The following ANKRD34B variants were observed in gnomAD, a reference collection of about 807,000 sequenced individuals.
The protein encoded by ANKRD34B is ankyrin repeat domain 34B, also known as ankyrin repeat domain-containing protein 34B.
In ANKRD34B, 2 loss-of-function variants were observed where a neutral mutation model predicts 4.4. The ratio of observed to expected loss-of-function variants is 0.46; its 90% CI spans 0.19 to 1.44. The LOEUF is 1.44. ANKRD34B is among the 40% of genes most tolerant of loss of function. ANKRD34B has a pLI of 0.26. For synonymous variants in ANKRD34B, 226 were observed against 227.1 expected, an observed-to-expected ratio of 0.99 and a Z score of 0.05; for missense variants, 558 against 604.7, an observed-to-expected ratio of 0.92 and a Z score of 0.81.
rs756381871 is a variant in ANKRD34B, at chr5:80,559,906, C to T, written c.114G>A (p.Glu38=). ...AAGGGGTTTCCCCACGGTCGTTGCT[C>T]TCATTAATGTAGGCACCGCCTTCTA... ...LLLEGGAYIN[E]SNDRGETPLM... The change falls in exon 5 of 5, where the codon GAG becomes GAA. Residue 38 remains glutamate, a synonymous_variant. Coordinates refer to ENST00000338682, the MANE Select transcript of ANKRD34B (RefSeq NM_001004441.3). 24 of 1,614,088 alleles carry T rather than the reference C, an allele frequency of 1.5e-5. No homozygotes were observed. The South Asian group carries it at 2.1e-4, about 14-fold the overall frequency.
rs745736258 is a variant in ANKRD34B, at chr5:80,568,889, AAC to A, written c.-191+69_-191+70del. The A allele has an allele frequency of 1.9e-3, 87 of 46,002 alleles. 1 individual carries two copies. The East Asian group carries it at 0.02, about 11-fold the overall frequency. The allele number at this position is 46,002 out of a possible 1,614,324, so 2.8% of individuals were successfully genotyped here. On this transcript the variant is annotated intron_variant, in intron 2 of 4. Coordinates refer to ENST00000338682, the MANE Select transcript of ANKRD34B (RefSeq NM_001004441.3). ...CTGTTACTGATTCACCTCCCCCCAA[AAC>A]ACACACACACACACACACACACACA...
In ANKRD34B at chr5:80,557,074, T is replaced by G. The variant is rs1006853613; in HGVS notation, c.*1401A>C. The G allele has an allele frequency of 5.2e-5, 8 of 152,586 alleles. No homozygotes were observed. Among genetic ancestry groups the G allele is most frequent in the Admixed American group, 4.6e-4 (7 of 15,278 alleles). The allele number at this position is 152,586 out of a possible 1,614,324, so 9.5% of individuals were successfully genotyped here. A position where few individuals can be genotyped will look rare whatever the true frequency, so the allele number is the denominator to read the frequency against. On this transcript the variant is annotated 3_prime_UTR_variant, in exon 5 of 5. Transcript: ENST00000338682. ...TATCAAATTACCAAGAAAAGCATCA[T>G]GCCAATTGTTAGGATCACCTCTACT... is the stretch of plus-strand genomic sequence containing the variant.
chr5:80,564,924 C>T (rs1169865810), intron 3 of ANKRD34B, among the ~76,000 whole-genome samples: 6 of 152,066 alleles, frequency 3.9e-5, no homozygotes, highest in East Asian at 1.9e-4. Flanking sequence ...AGGCTGATCC[C>T]GAATTCCCAA....
intron 2 of ANKRD34B, among the ~76,000 whole-genome samples, chr5:80,567,621 CAA>C (rs111603222): frequency 0.44 from 22,604 of 50,854 alleles, 4,293 homozygotes; most frequent in Middle Eastern, 0.55. Context: ...GACTCCGTCT[CAA>C]AAAAAAAAAA....
chr5:80,557,203 G>A lies in ANKRD34B; in HGVS notation c.*1272C>T, dbSNP rs1746260236. ...TGTTAAGCTGCTAGACTGAAATAAG[G>A]ATTCTTTGTATAAACATCATACTTT... On this transcript the variant is annotated 3_prime_UTR_variant, in exon 5 of 5. Coordinates refer to ENST00000338682, the MANE Select transcript of ANKRD34B (RefSeq NM_001004441.3). The A allele has an allele frequency of 6.6e-6, 1 of 152,214 alleles. No homozygotes were observed. The allele number at this position is 152,214 out of a possible 1,614,324, so 9.4% of individuals were successfully genotyped here. A position where few individuals can be genotyped will look rare whatever the true frequency, so the allele number is the denominator to read the frequency against.
At chr5:80,561,280 G>A (rs1412261824) in intron 4 of ANKRD34B, among the ~76,000 whole-genome samples, 13 of 151,980 alleles carry the variant, frequency 8.6e-5, no homozygotes, top group Admixed American at 8.5e-4. Flanking sequence ...AGTTGGGAGG[G>A]GGAGAATCAG....
At chr5:80,569,147 C>T (rs1746677259) in intron 1 of ANKRD34B, 40 bp from the exon 2 acceptor site, 1 of 152,426 alleles carries the variant, frequency 6.6e-6, no homozygotes, top group Admixed American at 6.5e-5. Flanking sequence ...GGGGCGACAG[C>T]TCCAGGGCAC....
chr5:80,562,494 AAGT>A (rs962420482), intron 4 of ANKRD34B, among the ~76,000 whole-genome samples: 1 of 152,154 alleles, frequency 6.6e-6, no homozygotes, highest in Non-Finnish European at 1.5e-5. Context: ...ACAGGGGAAT[AAGT>A]GATTGCTTAC....
intron 4 of ANKRD34B, among the ~76,000 whole-genome samples, chr5:80,561,680 A>C (rs1746409727): frequency 6.6e-6 from 1 of 152,162 alleles, no homozygotes; most frequent in Non-Finnish European, 1.5e-5. Context: ...CTGGGGACCA[A>C]AAGGGGCTTC....
chr5:80,568,741 T>A (rs772427063), intron 2 of ANKRD34B, among the ~76,000 whole-genome samples: 3 of 152,074 alleles, frequency 2.0e-5, no homozygotes, highest in Non-Finnish European at 4.4e-5. Context: ...TTAGAAACTG[T>A]CCAAGGAGAC....
At chr5:80,566,563 G>T (rs1240730555) in intron 3 of ANKRD34B, 126 bp downstream of exon 3, 1 of 152,618 alleles carries the variant, frequency 6.6e-6, no homozygotes, top group Non-Finnish European at 1.5e-5. Flanking sequence ...GGAAAAGGAA[G>T]TAAGACACAT....
In ANKRD34B at chr5:80,560,044, T is replaced by C; in HGVS notation, c.-23-2A>G. 6.6e-7 allele frequency: 1 copy of C among 1,510,462 alleles called. No individual in the cohort carries two copies. 93.6% of individuals were successfully genotyped at this position (1,510,462 alleles called of 1,614,324 possible). On this transcript the variant is annotated splice_acceptor_variant, in intron 4 of 4. Transcript: ENST00000338682. LOFTEE classifies it low-confidence loss of function (5UTR_SPLICE). ...TCTTCGGAGGTTAGAACTCAATACCTGGTTATCAAAGATGGCAAAGACCAA... is the reference window on the plus strand; with the variant it reads ...TCTTCGGAGGTTAGAACTCAATACCCGGTTATCAAAGATGGCAAAGACCAA...
intron 4 of ANKRD34B, among the ~76,000 whole-genome samples, chr5:80,561,040 G>C (rs1307328225): frequency 6.6e-6 from 1 of 152,164 alleles, no homozygotes; most frequent in Non-Finnish European, 1.5e-5. Flanking sequence ...GTTAAATTTT[G>C]ACAACAGTAT....
Position 80,560,039 on chromosome 5 carries a change from A to C in ANKRD34B, c.-20T>G. On this transcript the variant is annotated 5_prime_UTR_variant, in exon 5 of 5. Coordinates refer to ENST00000338682, the MANE Select transcript of ANKRD34B (RefSeq NM_001004441.3). ...ATCCATCTTCGGAGGTTAGAACTCA[A>C]TACCTGGTTATCAAAGATGGCAAAG... The C allele has an allele frequency of 6.6e-7, 1 of 1,519,008 alleles. No homozygotes were observed. The highest frequency in any genetic ancestry group is 8.9e-7 in the Non-Finnish European group (1 of 1,129,032). The allele number at this position is 1,519,008 out of a possible 1,614,324, so 94.1% of individuals were successfully genotyped here. A position where few individuals can be genotyped will look rare whatever the true frequency, so the allele number is the denominator to read the frequency against.
At chr5:80,566,957 C>T (rs574742139) in intron 2 of ANKRD34B, among the ~76,000 whole-genome samples, 183 bp from the exon 3 acceptor site, 9 of 152,256 alleles carry the variant, frequency 5.9e-5, no homozygotes, top group Middle Eastern at 3.4e-3. Flanking sequence ...ACAGCAACCC[C>T]GTGTGTGTCT....
chr5:80,565,046 T>C (rs1746524987), intron 3 of ANKRD34B, among the ~76,000 whole-genome samples: 1 of 152,234 alleles, frequency 6.6e-6, no homozygotes, highest in Non-Finnish European at 1.5e-5. Flanking sequence ...ACTTTTGAAA[T>C]TGCCTAGACA....
intron 4 of ANKRD34B, among the ~76,000 whole-genome samples, chr5:80,562,797 T>G (rs1660142773): frequency 6.6e-6 from 1 of 152,206 alleles, no homozygotes; most frequent in African/African-American, 2.4e-5. Flanking sequence ...CTTTCTGTAA[T>G]CAGTACCCGA....
rs76147661 is a variant in ANKRD34B at position 80,564,152 on chromosome 5, T to C, written c.-104-337A>G. 4.0e-3 allele frequency among the ~76,000 whole-genome samples: 607 copies of C among 151,934 alleles called. 5 individuals carry two copies. Among genetic ancestry groups the C allele is most frequent in the African/African-American group, 0.014 (578 of 41,526 alleles). ...TCTTAGCAGAATCTTTAGGGGAAGGTATTTTACTTAAAACATTTTTTTAAA... is the reference window on the plus strand; with the variant it reads ...TCTTAGCAGAATCTTTAGGGGAAGGCATTTTACTTAAAACATTTTTTTAAA... On this transcript the variant is annotated intron_variant, in intron 3 of 4. Coordinates refer to ENST00000338682, the MANE Select transcript of ANKRD34B (RefSeq NM_001004441.3).
chr5:80,567,874 T>G (rs1280854210), intron 2 of ANKRD34B, among the ~76,000 whole-genome samples: 1 of 152,146 alleles, frequency 6.6e-6, no homozygotes, highest in East Asian at 1.9e-4. Flanking sequence ...ATCAGGGACC[T>G]GGGCTCCGGA....
Sources: gnomAD v4.1 joint callset for allele counts (sites outside exome capture counted in the v4.1 genomes callset) on GRCh38, gnomAD v4.1.1 for gene constraint, MANE v1.5 for transcripts, NCBI Gene and HGNC (gene_info 2026-07-23, HGNC 2026-07-21) for gene names.